The following ANKS1B variants were observed in gnomAD, a reference collection of about 807,000 sequenced individuals.
The protein encoded by ANKS1B is ankyrin repeat and sterile alpha motif domain-containing protein 1B.
ANKS1B carries 36 observed loss-of-function variants against 148.3 expected under a neutral mutation model. The observed-to-expected ratio is 0.24, with a 90% confidence interval of 0.19 to 0.32. The LOEUF is 0.32. ANKS1B is among the 10% of genes least tolerant of loss of function. The pLI is 1.00. For missense variants in ANKS1B, 1,157 were observed against 1,542.6 expected (o/e 0.75, Z 4.19); for synonymous variants, 542 against 560.8 (o/e 0.97, Z 0.47).
intron 12 of ANKS1B, among the ~76,000 whole-genome samples, chr12:99,378,135 T>C (rs1436754087): frequency 1.3e-5 from 2 of 152,192 alleles, no homozygotes; most frequent in African/African-American, 4.8e-5. Flanking sequence ...AAAGGCTCTC[T>C]GAGGATCTTA....
At chr12:99,223,608 G>A (rs748910381) in intron 14 of ANKS1B, among the ~76,000 whole-genome samples, 13 of 152,082 alleles carry the variant, frequency 8.5e-5, no homozygotes, top group African/African-American at 1.9e-4. Context: ...GCAGATCTCC[G>A]GTGGTAATGC....
chr12:99,778,508 CAAA>C (rs57712696), intron 6 of ANKS1B, among the ~76,000 whole-genome samples: 3 of 57,432 alleles, frequency 5.2e-5, no homozygotes. Flanking sequence ...AACTCTTTCT[CAAA>C]AAAAAAAAAA....
chr12:99,252,634 C>T (rs749954722), intron 12 of ANKS1B, among the ~76,000 whole-genome samples: 1 of 152,142 alleles, frequency 6.6e-6, no homozygotes, highest in Non-Finnish European at 1.5e-5. Flanking sequence ...AATTCAATGG[C>T]ACCTACAAGC....
chr12:99,748,477 T>C (rs2060808618), intron 8 of ANKS1B, among the ~76,000 whole-genome samples: 1 of 151,914 alleles, frequency 6.6e-6, no homozygotes, highest in Non-Finnish European at 1.5e-5. Flanking sequence ...TTTTGCAGCA[T>C]AAAAAAATAG....
At chr12:99,205,496 A>T (rs1232752454) in intron 14 of ANKS1B, among the ~76,000 whole-genome samples, 2 of 152,200 alleles carry the variant, frequency 1.3e-5, no homozygotes, top group East Asian at 3.9e-4. Flanking sequence ...GACCCAAATG[A>T]CACTGCTGAT....
At chr12:99,761,270 G>A (rs913146749) in intron 8 of ANKS1B, among the ~76,000 whole-genome samples, 4 of 151,044 alleles carry the variant, frequency 2.6e-5, no homozygotes, top group Admixed American at 1.3e-4. Flanking sequence ...AAAACTACAG[G>A]CCAATATACC....
chr12:98,834,352 C>T (rs2099349850), intron 17 of ANKS1B, among the ~76,000 whole-genome samples: 1 of 152,172 alleles, frequency 6.6e-6, no homozygotes, highest in South Asian at 2.1e-4. Context: ...ATGCAGGATA[C>T]TGTTTTCTGC....
intron 17 of ANKS1B, among the ~76,000 whole-genome samples, chr12:98,903,645 TG>T (rs1265408152): frequency 6.6e-6 from 1 of 152,250 alleles, no homozygotes; most frequent in African/African-American, 2.4e-5. Context: ...CTGAAACCTT[TG>T]GACTTTATCT....
intron 3 of ANKS1B, among the ~76,000 whole-genome samples, chr12:99,811,647 T>C (rs554846051): frequency 6.6e-6 from 1 of 151,858 alleles, no homozygotes; most frequent in Admixed American, 6.6e-5. Context: ...TGTGTTTGTG[T>C]TTGTATATAT....
At chr12:98,968,187 C>A (rs186642325) in intron 17 of ANKS1B, among the ~76,000 whole-genome samples, 1 of 152,142 alleles carries the variant, frequency 6.6e-6, no homozygotes, top group East Asian at 1.9e-4. Flanking sequence ...AAGAAAAACT[C>A]CCCTAGATAA....
At chr12:98,843,662 C>T (rs1020038391) in intron 17 of ANKS1B, among the ~76,000 whole-genome samples, 7 of 152,124 alleles carry the variant, frequency 4.6e-5, no homozygotes, top group Admixed American at 1.3e-4. Flanking sequence ...ACAGTTTAAT[C>T]GGTGATACTG....
chr12:98,744,799 T>C lies in ANKS1B; in HGVS notation c.*940A>G. 3 of 985,140 alleles carry C rather than the reference T, an allele frequency of 3.0e-6. No homozygotes were observed. Among genetic ancestry groups the C allele is most frequent in the Non-Finnish European group, 3.6e-6 (3 of 829,662 alleles). The allele number at this position is 985,140 out of a possible 1,614,324, so 61.0% of individuals were successfully genotyped here. ...TCTTGACAGCAGGAGCACTAGATTT[T>C]TTTTTTTTTAACATGTTCTTTAAAA... On this transcript the variant is annotated 3_prime_UTR_variant, in exon 27 of 27. Transcript: ENST00000683438.
chr12:99,749,822 T>C (rs1383093774), intron 8 of ANKS1B, among the ~76,000 whole-genome samples: 2 of 151,856 alleles, frequency 1.3e-5, no homozygotes, highest in Non-Finnish European at 2.9e-5. Context: ...GTTTAAAGAT[T>C]CTGGCATATG....
intron 17 of ANKS1B, among the ~76,000 whole-genome samples, chr12:98,867,586 C>T (rs536402575): frequency 1.2e-3 from 189 of 152,276 alleles, no homozygotes; most frequent in Admixed American, 3.3e-3. Context: ...GTTTGTCGGG[C>T]GCAGTGGCTC....
chr12:99,649,479 G>C, intron 9 of ANKS1B: 5 of 1,120,028 alleles, frequency 4.5e-6, no homozygotes, highest in Non-Finnish European at 6.7e-6. Flanking sequence ...CCTGATGAAG[G>C]GGCAGGGTAG....
chr12:99,671,254 T>C (rs2098536824), intron 8 of ANKS1B, among the ~76,000 whole-genome samples: 1 of 152,186 alleles, frequency 6.6e-6, no homozygotes, highest in Non-Finnish European at 1.5e-5. Flanking sequence ...CAACTCTTGC[T>C]CTTTCACATG....
At chr12:99,427,581 A>G (rs1437098096) in intron 11 of ANKS1B, among the ~76,000 whole-genome samples, 1 of 152,148 alleles carries the variant, frequency 6.6e-6, no homozygotes, top group Non-Finnish European at 1.5e-5. Context: ...CCTGATCACA[A>G]TCTGAAGTTA....
At chr12:99,575,180 T>A (rs1236540281) in intron 9 of ANKS1B, among the ~76,000 whole-genome samples, 1 of 152,084 alleles carries the variant, frequency 6.6e-6, no homozygotes, top group African/African-American at 2.4e-5. Context: ...TCCATCAGGC[T>A]AACAGTGGTC....
intron 25 of ANKS1B, among the ~76,000 whole-genome samples, chr12:98,763,892 C>A (rs559759963): frequency 1.3e-5 from 2 of 152,138 alleles, no homozygotes; most frequent in Admixed American, 6.5e-5. Flanking sequence ...TATGCCTCAC[C>A]CCAAGTATAG....
Sources: allele counts gnomAD v4.1 joint callset (sites outside exome capture counted in the v4.1 genomes callset), GRCh38; gene constraint gnomAD v4.1.1; transcripts MANE v1.5; gene names NCBI Gene and HGNC (gene_info 2026-07-23, HGNC 2026-07-21).